The following MED23 variants were observed in gnomAD, a reference collection of about 807,000 sequenced individuals.
MED23 encodes mediator complex subunit 23.
MED23 carries 105 observed loss-of-function variants against 163.9 expected under a neutral mutation model. That is an observed-to-expected ratio of 0.64 (90% CI 0.55 to 0.75). MED23 has a LOEUF of 0.75. Ranked by LOEUF, MED23 falls within the 30% of genes least tolerant of loss-of-function variation. MED23 has a pLI of 0.00. For missense variants in MED23, 1,054 were observed against 1,649.0 expected (o/e 0.64, Z 6.25); for synonymous variants, 561 against 565.6 (o/e 0.99, Z 0.12).
chr6:131,607,404 G>A (rs1408745051), intron 12 of MED23, among the ~76,000 whole-genome samples: 2 of 152,134 alleles, frequency 1.3e-5, no homozygotes, highest in African/African-American at 4.8e-5. Context: ...AATTAGTCGG[G>A]CATGTTGGCA....
chr6:131,599,147 A>G (rs113210862), intron 18 of MED23, among the ~76,000 whole-genome samples: 64 of 152,346 alleles, frequency 4.2e-4, no homozygotes, highest in African/African-American at 1.5e-3. Context: ...TGGTCCCAAC[A>G]CCAGCGGTAT....
intron 15 of MED23, among the ~76,000 whole-genome samples, chr6:131,603,692 T>C (rs1177734306): frequency 1.3e-5 from 2 of 152,188 alleles, no homozygotes; most frequent in Non-Finnish European, 2.9e-5. Context: ...AAAGCTGGAA[T>C]TACCATGAAT....
At position 131,587,704 on chromosome 6, in the gene MED23, G is replaced by A. The variant is rs1234268417; in HGVS notation, c.4082C>T (p.Pro1361Leu). 6.2e-7 allele frequency: 1 copy of A among 1,614,100 alleles called. No homozygotes were observed. The highest frequency in any genetic ancestry group is 1.7e-5 in the Admixed American group (1 of 60,012). The change falls in exon 29 of 29, where the codon CCC (proline) becomes CTC (leucine). Residue 1361 changes from proline (P) to leucine (L), a missense_variant. Coordinates refer to ENST00000368068, the MANE Select transcript of MED23 (RefSeq NM_004830.4). ...GSPAPQSNQV[P>L]VSLPVTQ The stretch of plus-strand genomic sequence containing the variant: ...TCACTGAGTTACTGGTAAAGACACG[G>A]GCACCTGATTAGACTGAGGTGCTGG...
rs757429079 is a variant in MED23, at chr6:131,592,431, G to C, written c.3428C>G (p.Thr1143Arg). The C allele has an allele frequency of 1.9e-6, 3 of 1,613,894 alleles. No homozygotes were observed. The highest frequency in any genetic ancestry group is 2.5e-6 in the Non-Finnish European group (3 of 1,179,970). ...CAAACCAATTGCATTCATCCATGCT[G>C]TAATGTTCTCTCTTGGCACTAAAGG... ...SQPLVPRENITAWMNAIGLII... is the reference protein window; with the variant it reads ...SQPLVPRENIRAWMNAIGLII... The change falls in exon 25 of 29, where the codon ACA becomes AGA. Residue 1143 changes from threonine to arginine, a missense_variant. This residue lies in a region of MED23 where 362 missense variants were observed against 471.6 expected (regional missense o/e 0.77). Coordinates refer to ENST00000368068, the MANE Select transcript of MED23 (RefSeq NM_004830.4).
At chr6:131,600,942 G>C (rs533354044) in intron 17 of MED23, among the ~76,000 whole-genome samples, 25 of 152,260 alleles carry the variant, frequency 1.6e-4, no homozygotes, top group African/African-American at 6.0e-4. Flanking sequence ...TAACAAAAGG[G>C]GAAGCATATG....
At chr6:131,615,664 C>A in intron 10 of MED23, 1 of 600,040 alleles carries the variant, frequency 1.7e-6, no homozygotes, top group Non-Finnish European at 2.9e-6. Context: ...TTGAAACTGG[C>A]CTTATAGAAA....
intron 5 of MED23, among the ~76,000 whole-genome samples, chr6:131,622,957 G>A (rs553689323): frequency 2.5e-4 from 38 of 152,274 alleles, no homozygotes; most frequent in African/African-American, 8.7e-4. Context: ...ATTAATTGAG[G>A]TAAGACCCAC....
chr6:131,621,830 G>GAC, intron 6 of MED23, 51 bp downstream of exon 6: 1 of 1,300,554 alleles, frequency 7.7e-7, no homozygotes, highest in Non-Finnish European at 1.1e-6. Flanking sequence ...CCTAAACAAA[G>GAC]CTAGACTTTT....
chr6:131,623,232 G>A (rs1184574362), intron 5 of MED23, 119 bp downstream of exon 5: 10 of 870,322 alleles, frequency 1.1e-5, no homozygotes. Context: ...TATACCACAA[G>A]AAATAGACAG....
intron 4 of MED23, 70 bp downstream of exon 4, chr6:131,624,795 A>C: frequency 1.3e-6 from 2 of 1,551,516 alleles, no homozygotes; most frequent in East Asian, 2.2e-5. Flanking sequence ...TTACAACAAC[A>C]ACCTCAACCA....
intron 16 of MED23, 69 bp downstream of exon 16, chr6:131,602,961 G>T: frequency 6.8e-7 from 1 of 1,480,634 alleles, no homozygotes; most frequent in Non-Finnish European, 9.4e-7. Flanking sequence ...AAAGGTAAAG[G>T]ATTAAGAACC....
Position 131,606,508 on chromosome 6 carries a change from T to C in MED23, c.1338A>G (p.Pro446=). 6.2e-7 allele frequency: 1 copy of C among 1,613,616 alleles called. No individual in the cohort carries two copies. The highest frequency in any genetic ancestry group is 1.3e-5 in the African/African-American group (1 of 75,024). The part of the protein sequence containing the change: ...AQNDNSKLQI[P]IPHSLRLHHE... ...GGTGAAGTCTTAGGGAATGAGGTAT[T>C]GGAATCTGTAGCTTGGAGTTGTCAT... is the stretch of plus-strand genomic sequence containing the variant. Residue 446 remains proline, a synonymous_variant, in exon 13 of 29, where the codon CCA becomes CCG. Coordinates refer to ENST00000368068, the MANE Select transcript of MED23 (RefSeq NM_004830.4).
chr6:131,625,809 C>G (rs1281004663), intron 3 of MED23, among the ~76,000 whole-genome samples: 1 of 151,892 alleles, frequency 6.6e-6, no homozygotes, highest in Non-Finnish European at 1.5e-5. Context: ...GCTTAACACT[C>G]TATTGTGAGG....
Position 131,574,245 on chromosome 6 carries a change from C to A in MED23, c.*48G>T, listed in dbSNP as rs772855821. On this transcript the variant is annotated 3_prime_UTR_variant, in exon 31 of 31. Transcript: ENST00000354577. ...TCCAGGTTTCTCAGGATCTGGGCAG[C>A]GTTTTGCTTCCTCTTAATTTGGAAC... The A allele has an allele frequency of 2.6e-5, 42 of 1,611,500 alleles. No homozygotes were observed. In the South Asian group the frequency reaches 4.4e-4, roughly 17 times the overall value.
intron 17 of MED23, among the ~76,000 whole-genome samples, chr6:131,601,406 C>G (rs1487961286): frequency 6.6e-6 from 1 of 152,106 alleles, no homozygotes; most frequent in African/African-American, 2.4e-5. Context: ...CATGAAGTTA[C>G]AAAACATGCA....
At chr6:131,596,797 T>G in intron 20 of MED23, 109 bp from the exon 21 acceptor site, 1 of 1,036,686 alleles carries the variant, frequency 9.6e-7, no homozygotes, top group Admixed American at 2.0e-5. Flanking sequence ...TATTATAATT[T>G]CCTTAGACGT....
In MED23 at chr6:131,579,000, C is replaced by T. The variant is rs1266621936; in HGVS notation, c.4096-4705G>A. 11 of 1,280,868 alleles carry T rather than the reference C, an allele frequency of 8.6e-6. No individual in the cohort carries two copies. In the African/African-American group the frequency reaches 1.7e-4, roughly 19 times the overall value. 79.3% of individuals were successfully genotyped at this position (1,280,868 alleles called of 1,614,324 possible). On this transcript the variant is annotated intron_variant, in intron 30 of 30. Transcript: ENST00000354577. ...GATTTACAGACCTTTCAGGTTTTTCCTTTGCTTATACTTGTGAATATATGC... is the reference window on the plus strand; with the variant it reads ...GATTTACAGACCTTTCAGGTTTTTCTTTTGCTTATACTTGTGAATATATGC...
At chr6:131,580,838 T>G (rs1057042898) in intron 30 of MED23, among the ~76,000 whole-genome samples, 1 of 152,222 alleles carries the variant, frequency 6.6e-6, no homozygotes, top group Non-Finnish European at 1.5e-5. Flanking sequence ...GAGATGAGTG[T>G]ACAGAAAATG....
downstream of MED23, chr6:131,583,639 T>C: frequency 4.6e-6 from 7 of 1,518,556 alleles, no homozygotes; most frequent in Non-Finnish European, 5.4e-6. Flanking sequence ...TTTCCATCGG[T>C]TACTACCTTT....
Sources: allele counts gnomAD v4.1 joint callset (sites outside exome capture counted in the v4.1 genomes callset), GRCh38; gene constraint gnomAD v4.1.1; regional missense constraint gnomAD v4.1.1; transcripts MANE v1.5; gene names NCBI Gene and HGNC (gene_info 2026-07-23, HGNC 2026-07-21).